The following CFAP47 variants were observed in gnomAD, a reference collection of about 807,000 sequenced individuals.
CFAP47 encodes cilia- and flagella-associated protein 47.
In CFAP47, 29 loss-of-function variants were observed where a neutral mutation model predicts 148.1. The ratio of observed to expected loss-of-function variants is 0.20; its 90% CI spans 0.15 to 0.27. The LOEUF is 0.27. CFAP47 is among the 10% of genes least tolerant of loss of function. CFAP47 has a pLI of 1.00. For missense variants in CFAP47, 1,872 were observed against 1,697.5 expected, an observed-to-expected ratio of 1.10 and a Z score of -1.81; for synonymous variants, 664 against 577.3, an observed-to-expected ratio of 1.15 and a Z score of -2.15.
chrX:36,172,922 C>G (rs1342566241), intron 39 of CFAP47, among the ~76,000 whole-genome samples: 1 of 111,180 alleles, frequency 9.0e-6, no homozygotes, highest in Non-Finnish European at 1.9e-5. Flanking sequence ...GTGAATCCAT[C>G]TGGTCCTGGA....
At chrX:36,376,477 G>C (rs1268940597) in intron 62 of CFAP47, among the ~76,000 whole-genome samples, 1 of 111,359 alleles carries the variant, frequency 9.0e-6, no homozygotes, top group Non-Finnish European at 1.9e-5. Flanking sequence ...CAGAACATTG[G>C]ATGTCTGGTC....
chrX:36,059,693 G>C (rs1003676460), intron 26 of CFAP47, among the ~76,000 whole-genome samples: 6 of 111,741 alleles, frequency 5.4e-5, no homozygotes, highest in African/African-American at 1.9e-4. Flanking sequence ...CAAACATAAG[G>C]TTTATACATT....
intron 45 of CFAP47, among the ~76,000 whole-genome samples, chrX:36,223,876 G>A (rs2146897436): frequency 9.0e-6 from 1 of 111,352 alleles, no homozygotes; most frequent in African/African-American, 3.3e-5. Context: ...CATTGAAAGA[G>A]GTTAAGAAGT....
At chrX:36,328,371 TGG>T (rs1556013451) in intron 57 of CFAP47, among the ~76,000 whole-genome samples, 8 of 112,226 alleles carry the variant, frequency 7.1e-5, no homozygotes, top group Non-Finnish European at 1.5e-4. Flanking sequence ...ATTGTTAAAA[TGG>T]CAATGTTCTC....
At chrX:36,014,700 T>A in intron 21 of CFAP47, 74 bp from the exon 22 acceptor site, 1 of 283,363 alleles carries the variant, frequency 3.5e-6, no homozygotes, top group Non-Finnish European at 6.2e-6. Context: ...AAAACTGCTG[T>A]TTGGCTAAAT....
At chrX:36,112,140 G>A (rs1287547350) in intron 33 of CFAP47, among the ~76,000 whole-genome samples, 1 of 111,278 alleles carries the variant, frequency 9.0e-6, no homozygotes, top group Non-Finnish European at 1.9e-5. Context: ...CTTGTCTTCT[G>A]ATAGTTTTGG....
At chrX:36,294,844 A>G (rs868987358) in intron 51 of CFAP47, among the ~76,000 whole-genome samples, 30 of 112,474 alleles carry the variant, frequency 2.7e-4, no homozygotes, top group Admixed American at 1.1e-3. Flanking sequence ...AAAGCTTTAT[A>G]ATTTGCAAAA....
At chrX:36,259,097 T>G (rs2146928656) in intron 49 of CFAP47, among the ~76,000 whole-genome samples, 1 of 111,316 alleles carries the variant, frequency 9.0e-6, no homozygotes, top group African/African-American at 3.3e-5. Context: ...TAGTAGGTGT[T>G]CAATTAATGT....
intron 45 of CFAP47, among the ~76,000 whole-genome samples, chrX:36,218,517 A>T (rs368010103): frequency 2.4e-4 from 27 of 111,936 alleles, no homozygotes; most frequent in African/African-American, 8.8e-4. Context: ...CACTCTATCA[A>T]TAATGTATAG....
intron 57 of CFAP47, among the ~76,000 whole-genome samples, chrX:36,329,280 T>A (rs1255666107): frequency 9.0e-6 from 1 of 111,594 alleles, no homozygotes; most frequent in Admixed American, 9.6e-5. Context: ...TCTGATAATA[T>A]TCTCCAAAAT....
chrX:36,142,633 G>T (rs890767392), intron 35 of CFAP47, among the ~76,000 whole-genome samples: 4 of 111,660 alleles, frequency 3.6e-5, no homozygotes. Context: ...GGAAAGGTAA[G>T]AATGCTCTTT....
At chrX:36,271,106 A>G (rs782524872) in intron 49 of CFAP47, among the ~76,000 whole-genome samples, 6 of 111,785 alleles carry the variant, frequency 5.4e-5, no homozygotes, top group Non-Finnish European at 9.4e-5. Context: ...GGACAGAAGG[A>G]AGAGAAAAAT....
chrX:36,141,602 C>G (rs1401791909), intron 35 of CFAP47, among the ~76,000 whole-genome samples: 1 of 111,574 alleles, frequency 9.0e-6, no homozygotes, highest in Non-Finnish European at 1.9e-5. Flanking sequence ...AAATTGACAC[C>G]TAAAATTAAC....
At chrX:36,194,840 A>G (rs782388234) in intron 42 of CFAP47, among the ~76,000 whole-genome samples, 1 of 112,021 alleles carries the variant, frequency 8.9e-6, no homozygotes, top group East Asian at 2.8e-4. Flanking sequence ...CGGGAAATAC[A>G]ATTCAAGATG....
intron 33 of CFAP47, among the ~76,000 whole-genome samples, chrX:36,106,358 AC>A (rs926056730): frequency 2.7e-5 from 3 of 112,241 alleles, no homozygotes; most frequent in Non-Finnish European, 5.6e-5. Context: ...ACTGTGCCTA[AC>A]AAAATAACAG....
At chrX:36,330,815 C>A (rs1356774084) in intron 57 of CFAP47, among the ~76,000 whole-genome samples, 1 of 111,602 alleles carries the variant, frequency 9.0e-6, no homozygotes, top group African/African-American at 3.3e-5. Flanking sequence ...CATCTAAAGC[C>A]AGCCCCTCTA....
chrX:36,037,425 C>T (rs750006751), intron 24 of CFAP47, among the ~76,000 whole-genome samples: 3 of 109,706 alleles, frequency 2.7e-5, no homozygotes, highest in South Asian at 4.0e-4. Context: ...TGCAGTGGTG[C>T]GATCTCAGCT....
intron 26 of CFAP47, among the ~76,000 whole-genome samples, chrX:36,062,265 C>T (rs1478038008): frequency 9.0e-6 from 1 of 111,440 alleles, no homozygotes; most frequent in Admixed American, 9.6e-5. Context: ...ATGTGTTTGA[C>T]ATGCCATCAC....
At chrX:36,272,586 T>A (rs1272125666) in intron 49 of CFAP47, among the ~76,000 whole-genome samples, 1 of 110,875 alleles carries the variant, frequency 9.0e-6, no homozygotes, top group Non-Finnish European at 1.9e-5. Flanking sequence ...CTTTCTGACT[T>A]CTGCTTTTTT....
Sources: gnomAD v4.1 joint callset for allele counts (sites outside exome capture counted in the v4.1 genomes callset) on GRCh38, gnomAD v4.1.1 for gene constraint, MANE v1.5 for transcripts, NCBI Gene and HGNC (gene_info 2026-07-23, HGNC 2026-07-21) for gene names.